The following PCDH11X variants were observed in gnomAD, a reference collection of about 807,000 sequenced individuals.
PCDH11X encodes the protein protocadherin 11 X-linked.
PCDH11X carries 18 observed loss-of-function variants against 53.3 expected under a neutral mutation model. The observed-to-expected ratio is 0.34, with a 90% CI of 0.23 to 0.50. The LOEUF (loss-of-function observed/expected upper bound fraction) is 0.50, where lower values mean the gene tolerates loss of function less well. Among genes scored for constraint, PCDH11X ranks in the 20% least tolerant of loss-of-function variants. The probability of loss-of-function intolerance (pLI) is 0.98; values close to 1 mark genes in which losing one functional copy is unlikely to be tolerated. For synonymous variants in PCDH11X, 279 were observed against 393.3 expected, an observed-to-expected ratio of 0.71 and a Z score of 3.44; for missense variants, 570 against 1,032.4, an observed-to-expected ratio of 0.55 and a Z score of 6.14.
At chrX:92,545,149 G>A (rs35227966) in intron 10 of PCDH11X, among the ~76,000 whole-genome samples, 2,070 of 111,165 alleles carry the variant, frequency 0.019, 46 homozygotes, top group African/African-American at 0.057. Flanking sequence ...GAGAGAGTAG[G>A]GAGAGAAGTT....
At chrX:92,252,940 T>A (rs1280596741) in intron 7 of PCDH11X, among the ~76,000 whole-genome samples, 8 of 110,721 alleles carry the variant, frequency 7.2e-5, no homozygotes, top group African/African-American at 2.6e-4. Context: ...CTAATGCTTG[T>A]GTTCACAAGG....
chrX:91,954,811 G>C (rs1305572374), intron 6 of PCDH11X, among the ~76,000 whole-genome samples: 1 of 109,936 alleles, frequency 9.1e-6, no homozygotes, highest in East Asian at 2.9e-4. Context: ...GGAGTTGTTT[G>C]TTTCTTTCTT....
intron 10 of PCDH11X, among the ~76,000 whole-genome samples, chrX:92,537,106 T>G (rs2074672405): frequency 9.0e-6 from 1 of 111,563 alleles, no homozygotes; most frequent in Non-Finnish European, 1.9e-5. Flanking sequence ...CCTTGACAGA[T>G]AGGTGGTTTG....
chrX:92,238,069 C>T lies in PCDH11X; in HGVS notation c.3115-25045C>T, dbSNP rs776769038. Among the ~76,000 whole-genome samples the T allele has an allele frequency of 4.1e-4, 46 of 111,345 alleles. 2 individuals carry two copies. In the South Asian group the frequency reaches 5.6e-3, roughly 14 times the overall value. On this transcript the variant is annotated intron_variant, in intron 7 of 10. Coordinates refer to ENST00000682573, the MANE Select transcript of PCDH11X (RefSeq NM_032968.5). ...TGCCTTTTCTACAAGATAAATTTTC[C>T]GCATCTTTGAAATAAAGCATAGTTT...
At chrX:91,927,648 A>G (rs1488997414) in intron 6 of PCDH11X, among the ~76,000 whole-genome samples, 5 of 111,937 alleles carry the variant, frequency 4.5e-5, no homozygotes, top group Non-Finnish European at 7.5e-5. Context: ...TTTATCAATG[A>G]GGAATCTTAG....
intron 6 of PCDH11X, among the ~76,000 whole-genome samples, chrX:91,891,979 T>C (rs1940500204): frequency 1.1e-5 from 1 of 92,628 alleles, no homozygotes; most frequent in Non-Finnish European, 2.1e-5. Context: ...TGACAAAATA[T>C]AAAATTTCAG....
intron 8 of PCDH11X, among the ~76,000 whole-genome samples, chrX:92,338,077 T>A (rs1184218514): frequency 1.8e-5 from 2 of 111,506 alleles, no homozygotes; most frequent in Non-Finnish European, 3.8e-5. Context: ...TAAATATGTT[T>A]TAAAACGAAA....
chrX:92,090,249 A>G (rs1281261019), intron 6 of PCDH11X, among the ~76,000 whole-genome samples: 1 of 111,837 alleles, frequency 8.9e-6, no homozygotes, highest in Non-Finnish European at 1.9e-5. Context: ...TGATGCTATC[A>G]GATACAGTGC....
At chrX:91,985,773 A>C (rs777803434) in intron 6 of PCDH11X, among the ~76,000 whole-genome samples, 1 of 112,057 alleles carries the variant, frequency 8.9e-6, no homozygotes, top group Admixed American at 9.5e-5. Flanking sequence ...GGTATGCTTT[A>C]TAAAACTAGC....
chrX:92,463,874 A>AT (rs1474194073), intron 9 of PCDH11X, among the ~76,000 whole-genome samples: 1 of 111,068 alleles, frequency 9.0e-6, no homozygotes, highest in African/African-American at 3.3e-5. Flanking sequence ...TGGAAAAAAA[A>AT]GTACAACTCT....
intron 6 of PCDH11X, among the ~76,000 whole-genome samples, chrX:92,098,480 A>T (rs2064179097): frequency 9.0e-6 from 1 of 110,948 alleles, no homozygotes; most frequent in African/African-American, 3.3e-5. Context: ...AAACCAAAAG[A>T]TGATGTTTGA....
At chrX:92,491,158 C>T (rs1174781841) in intron 10 of PCDH11X, among the ~76,000 whole-genome samples, 1 of 110,542 alleles carries the variant, frequency 9.0e-6, no homozygotes, top group Non-Finnish European at 1.9e-5. Context: ...TATGGCTTAA[C>T]TGTTATTCCC....
intron 8 of PCDH11X, among the ~76,000 whole-genome samples, chrX:92,385,162 A>G (rs1242843925): frequency 2.5e-5 from 2 of 81,419 alleles, no homozygotes; most frequent in Admixed American, 2.4e-4. Context: ...GCTTTTGAAG[A>G]ATAGAGTATT....
chrX:92,068,401 T>C (rs912317903), intron 6 of PCDH11X, among the ~76,000 whole-genome samples: 3 of 109,330 alleles, frequency 2.7e-5, no homozygotes, highest in African/African-American at 1.0e-4. Context: ...ATTTTCTTCT[T>C]AATTTCTTTA....
At chrX:91,989,371 GC>G (rs1319341890) in intron 6 of PCDH11X, among the ~76,000 whole-genome samples, 1 of 111,013 alleles carries the variant, frequency 9.0e-6, no homozygotes, top group East Asian at 2.8e-4. Flanking sequence ...GACCATCCTG[GC>G]TAACATGGTG....
At chrX:91,847,877 T>C (rs1937773629) in intron 5 of PCDH11X, among the ~76,000 whole-genome samples, 1 of 112,394 alleles carries the variant, frequency 8.9e-6, no homozygotes, top group African/African-American at 3.2e-5. Context: ...ATGTTACTTT[T>C]GGACATAAGA....
chrX:92,571,968 CTG>C (rs1922263199), intron 10 of PCDH11X, among the ~76,000 whole-genome samples: 1 of 111,899 alleles, frequency 8.9e-6, no homozygotes, highest in Admixed American at 9.5e-5. Context: ...AATTTTCAAA[CTG>C]TGTTTGATAT....
intron 10 of PCDH11X, among the ~76,000 whole-genome samples, chrX:92,519,654 A>T (rs867435485): frequency 1.2e-4 from 13 of 108,844 alleles, no homozygotes; most frequent in African/African-American, 4.0e-4. Context: ...TCAAAAGTGT[A>T]CCCTTTATTA....
intron 5 of PCDH11X, among the ~76,000 whole-genome samples, chrX:91,859,809 T>C (rs1938559527): frequency 9.3e-6 from 1 of 107,312 alleles, no homozygotes; most frequent in Non-Finnish European, 1.9e-5. Flanking sequence ...TCTATTCTGT[T>C]GCATTTGTCT....
Sources: allele counts gnomAD v4.1 joint callset (sites outside exome capture counted in the v4.1 genomes callset), GRCh38; gene constraint gnomAD v4.1.1; transcripts MANE v1.5; gene names NCBI Gene and HGNC (gene_info 2026-07-23, HGNC 2026-07-21).